Variants in ROBO2 observed in about 807,000 individuals in gnomAD.
The protein encoded by ROBO2 is roundabout guidance receptor 2, also known as roundabout homolog 2.
ROBO2 carries 53 observed loss-of-function variants against 160.8 expected under a neutral mutation model. That is an observed-to-expected ratio of 0.33 (90% confidence interval 0.26 to 0.41). The LOEUF (loss-of-function observed/expected upper bound fraction) is 0.41, where lower values mean the gene tolerates loss of function less well. Ranked by LOEUF, ROBO2 falls within the 10% of genes least tolerant of loss-of-function variation. The probability of loss-of-function intolerance (pLI) is 1.00; values close to 1 mark genes in which losing one functional copy is unlikely to be tolerated. For synonymous variants in ROBO2, 664 were observed against 611.7 expected, an observed-to-expected ratio of 1.09 and a Z score of -1.26; for missense variants, 1,577 against 1,722.4, an observed-to-expected ratio of 0.92 and a Z score of 1.49.
intron 2 of ROBO2, among the ~76,000 whole-genome samples, chr3:76,756,084 G>A (rs1375085901): frequency 6.6e-6 from 1 of 151,748 alleles, no homozygotes; most frequent in African/African-American, 2.4e-5. Context: ...TATTCACCTA[G>A]TAGTCTTAGG....
intron 2 of ROBO2, among the ~76,000 whole-genome samples, chr3:76,600,819 C>T (rs1397441232): frequency 6.6e-6 from 1 of 152,074 alleles, no homozygotes; most frequent in Non-Finnish European, 1.5e-5. Context: ...TCCCACCAGT[C>T]CCCCAAAGCC....
At chr3:76,752,208 T>A (rs1413860590) in intron 2 of ROBO2, among the ~76,000 whole-genome samples, 1 of 151,570 alleles carries the variant, frequency 6.6e-6, no homozygotes, top group East Asian at 2.0e-4. Flanking sequence ...AAACACCGCA[T>A]GTTCTCACTC....
chr3:77,277,459 C>T (rs766992452), intron 2 of ROBO2, among the ~76,000 whole-genome samples: 4 of 152,020 alleles, frequency 2.6e-5, no homozygotes, highest in Non-Finnish European at 5.9e-5. Context: ...TCCCACCACC[C>T]TCCCAACTAC....
intron 2 of ROBO2, among the ~76,000 whole-genome samples, chr3:77,364,883 G>A (rs1405848416): frequency 6.6e-6 from 1 of 152,132 alleles, no homozygotes; most frequent in Admixed American, 6.6e-5. Context: ...GGCAGGAGCA[G>A]TGAGTAACCT....
rs1373464657 is a variant in ROBO2, at chr3:77,317,397, G to A, written c.389-160017G>A. On this transcript the variant is annotated intron_variant, in intron 2 of 25. Transcript: ENST00000461745. ...ATTGTCGGGGTTCCATTTCTCCGTA[G>A]ACCTCGAGCCATAGTCAGTCCATCG... 12 of 1,187,440 alleles carry A rather than the reference G, an allele frequency of 1.0e-5. No homozygotes were observed. The African/African-American group carries it at 1.1e-4, about 10-fold the overall frequency. 73.6% of individuals were successfully genotyped at this position (1,187,440 alleles called of 1,614,324 possible). A position where few individuals can be genotyped will look rare whatever the true frequency, so the allele number is the denominator to read the frequency against.
intron 1 of ROBO2, among the ~76,000 whole-genome samples, chr3:77,094,332 T>A (rs1200774626): frequency 6.6e-6 from 1 of 152,248 alleles, no homozygotes; most frequent in Non-Finnish European, 1.5e-5. Flanking sequence ...ATACTTCATT[T>A]TTAAGGCTGA....
intron 1 of ROBO2, among the ~76,000 whole-genome samples, chr3:75,919,463 T>G (rs534329542): frequency 2.0e-5 from 3 of 152,324 alleles, no homozygotes; most frequent in African/African-American, 7.2e-5. Flanking sequence ...GATTTTTGCA[T>G]CGATGTTCGT....
chr3:77,142,268 C>T (rs1157782763), intron 2 of ROBO2, among the ~76,000 whole-genome samples: 1 of 149,686 alleles, frequency 6.7e-6, no homozygotes, highest in Non-Finnish European at 1.5e-5. Flanking sequence ...CCTTAATATT[C>T]TTCTGTATTT....
chr3:76,655,188 G>A (rs915629129), intron 2 of ROBO2, among the ~76,000 whole-genome samples: 5 of 149,780 alleles, frequency 3.3e-5, no homozygotes, highest in African/African-American at 9.7e-5. Context: ...GATTTTTATC[G>A]TAAGAGAATA....
At position 77,186,598 on chromosome 3, in the gene ROBO2, T is replaced by A. The variant is rs953526374; in HGVS notation, c.388+88258T>A. Among the ~76,000 whole-genome samples, 20 of 152,020 alleles carry A rather than the reference T, an allele frequency of 1.3e-4. 1 individual carries two copies. Among genetic ancestry groups the A allele is most frequent in the Admixed American group, 6.6e-5 (1 of 15,212 alleles). ...TAGGACTTTTACAAAACTAAGGATG[T>A]TGATTTTTCCCCCATATTGAGAGAA... On this transcript the variant is annotated intron_variant, in intron 2 of 25. Transcript: ENST00000461745.
At chr3:76,146,062 G>A (rs1021875461) in intron 2 of ROBO2, among the ~76,000 whole-genome samples, 11 of 151,702 alleles carry the variant, frequency 7.3e-5, no homozygotes, top group African/African-American at 9.7e-5. Context: ...ATTCCATAGC[G>A]TTTGTAATTA....
chr3:76,689,221 T>A (rs894332869), intron 2 of ROBO2, among the ~76,000 whole-genome samples: 7 of 152,048 alleles, frequency 4.6e-5, no homozygotes, highest in Non-Finnish European at 7.4e-5. Context: ...CATGCATTTT[T>A]TATATATTTT....
At chr3:77,455,676 C>T (rs946500818) in intron 2 of ROBO2, among the ~76,000 whole-genome samples, 1 of 152,014 alleles carries the variant, frequency 6.6e-6, no homozygotes, top group African/African-American at 2.4e-5. Context: ...GTGATCCGCC[C>T]GCCTCGGGCT....
chr3:76,391,168 A>G (rs1174132945), intron 2 of ROBO2, among the ~76,000 whole-genome samples: 28 of 152,118 alleles, frequency 1.8e-4, no homozygotes, highest in Admixed American at 1.8e-3. Context: ...TTCTCATTAT[A>G]TCTATTGATA....
At chr3:76,184,369 C>A (rs1286413802) in intron 2 of ROBO2, among the ~76,000 whole-genome samples, 10 of 152,002 alleles carry the variant, frequency 6.6e-5, no homozygotes, top group Non-Finnish European at 1.5e-4. Context: ...ATGCAATGGC[C>A]CTTGAGGTCT....
intron 2 of ROBO2, among the ~76,000 whole-genome samples, chr3:77,003,109 T>C (rs2061410879): frequency 6.6e-6 from 1 of 152,212 alleles, no homozygotes; most frequent in Non-Finnish European, 1.5e-5. Context: ...CATTTGTGAA[T>C]ATAGTCAATG....
intron 2 of ROBO2, among the ~76,000 whole-genome samples, chr3:76,115,444 G>T (rs893421693): frequency 4.6e-5 from 7 of 152,132 alleles, no homozygotes; most frequent in Admixed American, 3.3e-4. Context: ...GTAAAGATTT[G>T]GATTCAAATC....
upstream of ROBO2, among the ~76,000 whole-genome samples, chr3:77,037,503 C>T (rs1430692202): frequency 6.6e-6 from 1 of 152,102 alleles, no homozygotes; most frequent in Non-Finnish European, 1.5e-5. Context: ...ATAACCAAAG[C>T]GATTTCCCTT....
At chr3:76,662,431 C>G (rs78626396) in intron 2 of ROBO2, among the ~76,000 whole-genome samples, 15,349 of 152,012 alleles carry the variant, frequency 0.1, 945 homozygotes, top group Middle Eastern at 0.23. Context: ...TTATTTTCCT[C>G]TAGTAAACCT....
Sources: gnomAD v4.1 joint callset for allele counts (sites outside exome capture counted in the v4.1 genomes callset) on GRCh38, gnomAD v4.1.1 for gene constraint, MANE v1.5 for transcripts, NCBI Gene and HGNC (gene_info 2026-07-23, HGNC 2026-07-21) for gene names.